Variants in ICE2 observed in about 807,000 individuals in gnomAD.
ICE2 encodes little elongation complex subunit 2.
Under a neutral mutation model 105.4 loss-of-function variants are expected in ICE2, and 87 were observed. That is an observed-to-expected ratio of 0.83 (90% CI 0.69 to 0.99). The LOEUF (loss-of-function observed/expected upper bound fraction) is 0.99. Ranked by LOEUF, ICE2 falls within the 50% of genes least tolerant of loss-of-function variation. The pLI, the probability that ICE2 is intolerant of heterozygous loss-of-function variation, is 0.00. For missense variants in ICE2, 1,323 were observed against 1,146.7 expected, an observed-to-expected ratio of 1.15 and a Z score of -2.22; for synonymous variants, 399 against 392.0, an observed-to-expected ratio of 1.02 and a Z score of -0.21.
intron 9 of ICE2, chr15:60,451,197 T>TA: frequency 4.6e-6 from 3 of 648,350 alleles, no homozygotes; most frequent in Non-Finnish European, 5.7e-6. Flanking sequence ...AAGTAAAAAA[T>TA]AAAAAGGAAT....
intron 12 of ICE2, chr15:60,438,500 T>A (rs929884711): frequency 6.6e-6 from 1 of 152,156 alleles, no homozygotes; most frequent in Non-Finnish European, 1.5e-5. Context: ...ACAGTGGCAT[T>A]TCTAATAACA....
Position 60,453,678 on chromosome 15 carries a change from C to T in ICE2, c.1050G>A (p.Met350Ile). ...QIFHEVPLKF[M>I]MSKNTSVPVS... ...CTGGAACAGATGTGTTTTTGGACATCATAAATTTTAATGGAACTTCATGAA... is the reference window on the plus strand; with the variant it reads ...CTGGAACAGATGTGTTTTTGGACATTATAAATTTTAATGGAACTTCATGAA... The change falls in exon 9 of 16, where the codon ATG becomes ATA. Residue 350 changes from methionine to isoleucine, a missense_variant. Physicochemically the swap from Met to Ile is conservative, Grantham distance 10. Coordinates refer to ENST00000261520, the MANE Select transcript of ICE2 (RefSeq NM_024611.6). 2 of 1,613,570 alleles carry T rather than the reference C, an allele frequency of 1.2e-6. No homozygotes were observed. Among genetic ancestry groups the T allele is most frequent in the Non-Finnish European group, 1.7e-6 (2 of 1,179,584 alleles).
intron 15 of ICE2, 44 bp from the exon 16 acceptor site, chr15:60,423,806 A>C: frequency 4.6e-6 from 7 of 1,508,794 alleles, no homozygotes; most frequent in Non-Finnish European, 6.2e-6. Context: ...TGTATCTACA[A>C]CATACCTATA....
intron 2 of ICE2, among the ~76,000 whole-genome samples, chr15:60,477,007 A>C (rs1218570330): frequency 1.3e-5 from 2 of 152,232 alleles, no homozygotes; most frequent in Non-Finnish European, 2.9e-5. Flanking sequence ...CCTCTTACCT[A>C]ATCAAATGGT....
chr15:60,454,355 T>C (rs1192730290), intron 8 of ICE2, among the ~76,000 whole-genome samples: 1 of 152,218 alleles, frequency 6.6e-6, no homozygotes. Flanking sequence ...AACGAACAAG[T>C]AAATAAGTCA....
Position 60,445,657 on chromosome 15 carries a change from A to G in ICE2, c.2295+2313T>C. On this transcript the variant is annotated intron_variant, in intron 11 of 15. Transcript: ENST00000261520. ...TAAGGTTATGTCTTGAAATTTACAAATTTCACCTTAGTCAAGTGAATTACA... is the reference window on the plus strand; with the variant it reads ...TAAGGTTATGTCTTGAAATTTACAAGTTTCACCTTAGTCAAGTGAATTACA... 5.1e-6 allele frequency: 5 copies of G among 985,018 alleles called. No individual in the cohort carries two copies. In the South Asian group the frequency reaches 1.9e-4, roughly 37 times the overall value. The allele number at this position is 985,018 out of a possible 1,614,324, so 61.0% of individuals were successfully genotyped here.
At chr15:60,432,181 C>CTTTTTTTT (rs35081421) in intron 13 of ICE2, among the ~76,000 whole-genome samples, 197 bp from the exon 14 acceptor site, 1 of 110,646 alleles carries the variant, frequency 9.0e-6, no homozygotes, top group Non-Finnish European at 1.8e-5. Flanking sequence ...AAAAAATTTC[C>CTTTTTTTT]TTTTTTTTTT....
At chr15:60,427,711 C>A (rs559393416) in intron 15 of ICE2, among the ~76,000 whole-genome samples, 16 of 152,266 alleles carry the variant, frequency 1.1e-4, no homozygotes, top group African/African-American at 3.9e-4. Flanking sequence ...GCCACTGCGC[C>A]CAGCCCAGTG....
chr15:60,427,683 CT>C (rs1223375707), intron 15 of ICE2, among the ~76,000 whole-genome samples: 4 of 152,174 alleles, frequency 2.6e-5, no homozygotes, highest in Admixed American at 6.5e-5. Context: ...TCCCAAAGTC[CT>C]GGGATTATAG....
rs1448024552 is a variant in ICE2 at position 60,422,360 on chromosome 15, A to C, written c.*1274T>G. 1 of 152,170 alleles carries C rather than the reference A, an allele frequency of 6.6e-6. No homozygotes were observed. Among genetic ancestry groups the C allele is most frequent in the Non-Finnish European group, 1.5e-5 (1 of 68,124 alleles). 9.4% of individuals were successfully genotyped at this position (152,170 alleles called of 1,614,324 possible). A position where few individuals can be genotyped will look rare whatever the true frequency, so the allele number is the denominator to read the frequency against. ...AGACTGGTCTCCAACCCCTGGACTC[A>C]AGTGATTCTCCCGCCTCGGCCTTGC... On this transcript the variant is annotated 3_prime_UTR_variant, in exon 16 of 16. Coordinates refer to ENST00000261520, the MANE Select transcript of ICE2 (RefSeq NM_024611.6).
At chr15:60,432,351 C>G (rs183779382) in intron 13 of ICE2, among the ~76,000 whole-genome samples, 27 of 151,734 alleles carry the variant, frequency 1.8e-4, no homozygotes, top group Non-Finnish European at 3.2e-4. Flanking sequence ...CCACACCAGG[C>G]TGATTTTTTT....
chr15:60,478,663 A>C lies in ICE2; in HGVS notation c.-93+340T>G, dbSNP rs199867751. 55 of 331,974 alleles carry C rather than the reference A, an allele frequency of 1.7e-4. 2 individuals are homozygous for C. Among genetic ancestry groups the C allele is most frequent in the South Asian group, 1.2e-3 (55 of 45,064 alleles). 20.6% of individuals were successfully genotyped at this position (331,974 alleles called of 1,614,324 possible). The stretch of plus-strand genomic sequence containing the variant: ...CTGATAAAGTGACCTGCGAGAACCT[A>C]ATCAAATTTAGGAGTCGGTCTCTCG... On this transcript the variant is annotated intron_variant, in intron 1 of 15. Coordinates refer to ENST00000261520, the MANE Select transcript of ICE2 (RefSeq NM_024611.6).
rs753768834 is a variant in ICE2 at position 60,428,520 on chromosome 15, T to A, written c.2729A>T (p.Asp910Val). The A allele has an allele frequency of 6.2e-7, 1 of 1,614,132 alleles. No individual in the cohort carries two copies. The highest frequency in any genetic ancestry group is 2.2e-5 in the East Asian group (1 of 44,884). Residue 910 changes from aspartate (D) to valine (V), a missense_variant, in exon 15 of 16, where the codon GAT becomes GTT. Coordinates refer to ENST00000261520, the MANE Select transcript of ICE2 (RefSeq NM_024611.6). ...SSLSVPWVPL[D>V]PSLLLPYHIH... is the part of the protein sequence containing the mutation. ...ATGATATGGTAATAACAGGCTGGGA[T>A]CTAATGGGACCCAGGGAACTGAGAG... is the stretch of plus-strand genomic sequence containing the variant.
intron 9 of ICE2, chr15:60,452,763 T>C (rs1314759762): frequency 3.4e-6 from 2 of 590,356 alleles, no homozygotes; most frequent in African/African-American, 4.0e-5. Flanking sequence ...AACAATCCTA[T>C]GAGTTAGGTA....
chr15:60,476,804 C>A (rs1333219407), intron 2 of ICE2, among the ~76,000 whole-genome samples: 3 of 152,194 alleles, frequency 2.0e-5, no homozygotes, highest in Non-Finnish European at 4.4e-5. Context: ...CTTGAAAACA[C>A]TGAATCCATT....
intron 12 of ICE2, chr15:60,438,079 C>G (rs75420141): frequency 6.6e-6 from 1 of 152,038 alleles, no homozygotes; most frequent in Non-Finnish European, 1.5e-5. Flanking sequence ...TAAAACAAAA[C>G]AGGTTGAGAG....
chr15:60,474,712 T>C (rs2064706705), intron 3 of ICE2, among the ~76,000 whole-genome samples: 1 of 152,216 alleles, frequency 6.6e-6, no homozygotes, highest in African/African-American at 2.4e-5. Flanking sequence ...CCAGTGAGCA[T>C]ATGTAAGTCT....
Position 60,462,581 on chromosome 15 carries a change from A to C in ICE2, c.528+4013T>G, listed in dbSNP as rs540270942. 2.8e-4 allele frequency among the ~76,000 whole-genome samples: 43 copies of C among 152,302 alleles called. No homozygotes were observed. The South Asian group carries it at 3.7e-3, about 13-fold the overall frequency. On this transcript the variant is annotated intron_variant, in intron 5 of 15. Transcript: ENST00000261520. Reference sequence around the variant, plus strand: ...AAAATTCAAAACAGAAAAAGGAGAAAAACTGCAACATACATAGCCCATAAA... The same window carrying C: ...AAAATTCAAAACAGAAAAAGGAGAACAACTGCAACATACATAGCCCATAAA...
intron 13 of ICE2, among the ~76,000 whole-genome samples, chr15:60,433,448 C>A (rs2063507754): frequency 6.6e-6 from 1 of 151,756 alleles, no homozygotes; most frequent in Admixed American, 6.6e-5. Context: ...TCTGTCCATC[C>A]TTCCTTTCTT....
Sources: gnomAD v4.1 joint callset for allele counts (sites outside exome capture counted in the v4.1 genomes callset) on GRCh38, gnomAD v4.1.1 for gene constraint, MANE v1.5 for transcripts, NCBI Gene and HGNC (gene_info 2026-07-23, HGNC 2026-07-21) for gene names.